WRN: variants seen among roughly 807,000 people sequenced by gnomAD.
The protein encoded by WRN is bifunctional 3'-5' exonuclease/ATP-dependent helicase WRN.
A neutral mutation model predicts 180.7 loss-of-function variants in WRN; 149 were observed. That is an observed-to-expected ratio of 0.82 (90% CI 0.72 to 0.94). The LOEUF (loss-of-function observed/expected upper bound fraction) is 0.94. WRN is among the 40% of genes least tolerant of loss of function. The pLI, the probability that WRN is intolerant of heterozygous loss-of-function variation, is 0.00. For missense variants in WRN, 1,661 were observed against 1,700.1 expected (o/e 0.98, Z 0.40); for synonymous variants, 548 against 568.9 (o/e 0.96, Z 0.52).
rs930878657 is a variant in WRN, at chr8:31,167,198, A to G, written c.4159A>G (p.Arg1387Gly). 1.1e-5 allele frequency: 17 copies of G among 1,613,110 alleles called. No individual in the cohort carries two copies. The highest frequency in any genetic ancestry group is 1.4e-5 in the Non-Finnish European group (17 of 1,179,430). Residue 1387 changes from arginine to glycine, a missense_variant, in exon 34 of 35, where the codon AGA (arginine) becomes GGA (glycine). Physicochemically the swap from Arg to Gly is moderately radical, Grantham distance 125. Around this residue, in one of 3 missense-constraint regions of WRN, gnomAD observed 1,141 missense variants for 1,149.4 expected, o/e 0.99. Transcript: ENST00000298139. The part of the protein sequence containing the change: ...GSEEICSSSK[R>G]SKEEVGINTE... ...TGAAGAGATCTGTTCAAGTTCTAAGAGAAGCAAGGAAGAAGTAGGCATCAA... is the reference window on the plus strand; with the variant it reads ...TGAAGAGATCTGTTCAAGTTCTAAGGGAAGCAAGGAAGAAGTAGGCATCAA...
At chr8:31,136,287 C>T (rs1296603153) in intron 24 of WRN, among the ~76,000 whole-genome samples, 6 of 152,168 alleles carry the variant, frequency 3.9e-5, no homozygotes, top group South Asian at 2.1e-4. Flanking sequence ...GCCACTGTGC[C>T]GGCCTGAAAA....
intron 24 of WRN, among the ~76,000 whole-genome samples, chr8:31,140,192 A>AATTTTTT (rs1229673256): frequency 2.6e-5 from 4 of 151,114 alleles, no homozygotes; most frequent in Non-Finnish European, 5.9e-5. Context: ...ACACTTTGCT[A>AATTTTTT]ATTTTTTATT....
chr8:31,093,721 A>G (rs1375932510), intron 16 of WRN, among the ~76,000 whole-genome samples: 1 of 152,180 alleles, frequency 6.6e-6, no homozygotes, highest in Non-Finnish European at 1.5e-5. Flanking sequence ...CAATCCAGAT[A>G]ATGAACATAT....
chr8:31,050,526 T>C (rs1812042816), intron 1 of WRN, among the ~76,000 whole-genome samples: 1 of 151,636 alleles, frequency 6.6e-6, no homozygotes, highest in African/African-American at 2.4e-5. Flanking sequence ...TTTTTTTTTT[T>C]TGACACAAAG....
chr8:31,131,156 C>CTTTTTTTTTTTTT (rs1554530509), intron 23 of WRN, among the ~76,000 whole-genome samples: 2 of 19,360 alleles, frequency 1.0e-4, no homozygotes, highest in African/African-American at 1.6e-4. Context: ...CAAATTGCAA[C>CTTTTTTTTTTTTT]TTTCTTTTTT....
chr8:31,068,962 T>A (rs1283896716), intron 7 of WRN, among the ~76,000 whole-genome samples: 1 of 152,206 alleles, frequency 6.6e-6, no homozygotes, highest in Non-Finnish European at 1.5e-5. Flanking sequence ...CAGACCAATG[T>A]GAATCCCAGC....
At chr8:31,172,310 A>C (rs1804133244) in intron 34 of WRN, among the ~76,000 whole-genome samples, 1 of 151,978 alleles carries the variant, frequency 6.6e-6, no homozygotes, top group African/African-American at 2.4e-5. Context: ...ACCCAGCCTT[A>C]AATTATTTTT....
chr8:31,062,673 A>G (rs997453341), intron 3 of WRN, among the ~76,000 whole-genome samples: 1 of 152,068 alleles, frequency 6.6e-6, no homozygotes, highest in Admixed American at 6.6e-5. Context: ...TTGGCCCCCC[A>G]AAGTGCTGGG....
At chr8:31,095,599 G>A (rs1344583364) in intron 16 of WRN, among the ~76,000 whole-genome samples, 2 of 152,134 alleles carry the variant, frequency 1.3e-5, no homozygotes, top group Non-Finnish European at 2.9e-5. Context: ...TACAGTTTAT[G>A]TATTTTTCAC....
chr8:31,156,392 C>T (rs974822319), intron 32 of WRN, among the ~76,000 whole-genome samples: 5 of 152,068 alleles, frequency 3.3e-5, no homozygotes, highest in South Asian at 2.1e-4. Context: ...GCCAGTTAAC[C>T]GCAGAATTAA....
At chr8:31,137,784 C>T (rs1044292975) in intron 24 of WRN, among the ~76,000 whole-genome samples, 1 of 151,726 alleles carries the variant, frequency 6.6e-6, no homozygotes, top group Non-Finnish European at 1.5e-5. Flanking sequence ...GGAGGGGGTG[C>T]GTGTGAGTGC....
rs374154973 is a variant in WRN, at chr8:31,142,651, A to G, written c.3259A>G (p.Lys1087Glu). 5.4e-4 allele frequency: 868 copies of G among 1,603,318 alleles called. 2 individuals carry two copies. Among genetic ancestry groups the G allele is most frequent in the Non-Finnish European group, 7.1e-4 (838 of 1,175,338 alleles). ...PSSKTVSSGT[K>E]EHCYNQVPVE... The stretch of plus-strand genomic sequence containing the variant: ...TTCGAAAACTGTATCTTCGGGCACC[A>G]AAGAGCATTGTTATAATCAAGTACC... The change falls in exon 27 of 35, where the codon AAA (lysine) becomes GAA (glutamate). Residue 1087 changes from lysine to glutamate, a missense_variant. Transcript: ENST00000298139.
chr8:31,052,305 A>C (rs1812105852), intron 1 of WRN, among the ~76,000 whole-genome samples: 1 of 152,246 alleles, frequency 6.6e-6, no homozygotes, highest in South Asian at 2.1e-4. Context: ...AACCATTTGC[A>C]ATTGTGAGAT....
rs779264260 is a variant in WRN, at chr8:31,147,106, C to T, written c.3437C>T (p.Ser1146Leu). 2.8e-5 allele frequency: 45 copies of T among 1,613,628 alleles called. No individual in the cohort carries two copies. In the South Asian group the frequency reaches 3.2e-4, roughly 11 times the overall value. ...KAYSSSQPVI[S>L]AQEQETQIVL... ...TACAGTTCCTCACAGCCTGTTATTT[C>T]GGCACAAGAGCAGGAGACTCAGGTA... The change falls in exon 29 of 35, where the codon TCG (serine) becomes TTG (leucine). Residue 1146 changes from serine to leucine, a missense_variant. Ser to Leu is a moderately radical substitution (Grantham distance 145). Transcript: ENST00000298139.
chr8:31,095,509 A>T (rs1178310303), intron 16 of WRN, among the ~76,000 whole-genome samples: 1 of 152,140 alleles, frequency 6.6e-6, no homozygotes, highest in Non-Finnish European at 1.5e-5. Flanking sequence ...TTTTCTCCTA[A>T]AAGTTTTATA....
chr8:31,070,314 T>TTTCGA (rs1431892394), intron 7 of WRN, among the ~76,000 whole-genome samples: 1 of 152,030 alleles, frequency 6.6e-6, no homozygotes, highest in African/African-American at 2.4e-5. Context: ...TATTTTCGAA[T>TTTCGA]GACCACTTTT....
At chr8:31,141,158 A>G (rs1454174245) in intron 24 of WRN, among the ~76,000 whole-genome samples, 4 of 152,190 alleles carry the variant, frequency 2.6e-5, no homozygotes, top group African/African-American at 4.8e-5. Flanking sequence ...AAGTGTTCCA[A>G]ACACATATCC....
intron 30 of WRN, among the ~76,000 whole-genome samples, chr8:31,148,133 C>T (rs1233335354): frequency 3.3e-5 from 5 of 152,072 alleles, no homozygotes; most frequent in Non-Finnish European, 5.9e-5. Context: ...GCAATCTTCC[C>T]GCCTCAGTCT....
chr8:31,091,429 A>G (rs886867716), intron 15 of WRN, among the ~76,000 whole-genome samples: 4 of 152,084 alleles, frequency 2.6e-5, no homozygotes, highest in South Asian at 2.1e-4. Flanking sequence ...TTGTTCATCA[A>G]CTTGAACATT....
Sources: allele counts gnomAD v4.1 joint callset (sites outside exome capture counted in the v4.1 genomes callset), GRCh38; gene constraint gnomAD v4.1.1; regional missense constraint gnomAD v4.1.1; transcripts MANE v1.5; gene names NCBI Gene and HGNC (gene_info 2026-07-23, HGNC 2026-07-21).